Variants in SLC25A21 observed in about 807,000 individuals in gnomAD.
The protein encoded by SLC25A21 is solute carrier family 25 member 21, also known as mitochondrial 2-oxodicarboxylate carrier.
In SLC25A21, 47 loss-of-function variants were observed where a neutral mutation model predicts 43.8. The observed-to-expected ratio is 1.07, with a 90% CI of 0.85 to 1.37. The LOEUF is 1.37. Among genes scored for constraint, SLC25A21 ranks in the 40% most tolerant of loss-of-function variants. SLC25A21 has a pLI of 0.00. For synonymous variants in SLC25A21, 131 were observed against 121.3 expected, an observed-to-expected ratio of 1.08 and a Z score of -0.52; for missense variants, 352 against 350.2, an observed-to-expected ratio of 1.00 and a Z score of -0.04.
rs186540900 is a variant in SLC25A21 at position 36,803,776 on chromosome 14, G to C, written c.203+10142C>G. The stretch of plus-strand genomic sequence containing the variant: ...TTTACATACATTGTGATCATATGAT[G>C]CTTCTTCACTCCCATCTGACAATTC... On this transcript the variant is annotated intron_variant, in intron 3 of 9. Transcript: ENST00000331299. Among the ~76,000 whole-genome samples the C allele has an allele frequency of 5.5e-3, 844 of 152,294 alleles. 13 individuals are homozygous for C. The highest frequency in any genetic ancestry group is 6.8e-3 in the Middle Eastern group (2 of 294).
At chr14:37,074,300 C>A (rs10146922) in intron 1 of SLC25A21, among the ~76,000 whole-genome samples, 1,853 of 152,032 alleles carry the variant, frequency 0.012, 33 homozygotes, top group African/African-American at 0.043. Flanking sequence ...CTATATTTCA[C>A]AACATACAAC....
intron 7 of SLC25A21, among the ~76,000 whole-genome samples, chr14:36,696,065 AT>A (rs1266758650): frequency 6.6e-6 from 1 of 152,122 alleles, no homozygotes; most frequent in Non-Finnish European, 1.5e-5. Flanking sequence ...AGTTCTTATT[AT>A]TTTGAGATAC....
intron 2 of SLC25A21, among the ~76,000 whole-genome samples, chr14:36,814,452 A>G (rs2138447830): frequency 6.6e-6 from 1 of 152,360 alleles, no homozygotes; most frequent in Admixed American, 6.5e-5. Context: ...AGAATCTACA[A>G]GGAACTGAAA....
chr14:36,828,352 C>T (rs1888912358), intron 2 of SLC25A21: 2 of 152,182 alleles, frequency 1.3e-5, no homozygotes, highest in Admixed American at 1.3e-4. Context: ...GTGACATGTA[C>T]CACTTCCAGA....
At chr14:37,138,322 T>G (rs1291095129) in intron 1 of SLC25A21, among the ~76,000 whole-genome samples, 1 of 152,190 alleles carries the variant, frequency 6.6e-6, no homozygotes, top group Non-Finnish European at 1.5e-5. Flanking sequence ...TACTTTGGCA[T>G]TTAAGGGAGT....
intron 1 of SLC25A21, among the ~76,000 whole-genome samples, chr14:36,891,721 C>T (rs575704811): frequency 6.6e-6 from 1 of 152,152 alleles, no homozygotes; most frequent in East Asian, 1.9e-4. Context: ...AACTTTTCAC[C>T]TATGGATAGG....
At chr14:36,888,090 T>C (rs2138578762) in intron 1 of SLC25A21, among the ~76,000 whole-genome samples, 1 of 152,284 alleles carries the variant, frequency 6.6e-6, no homozygotes, top group South Asian at 2.1e-4. Flanking sequence ...AGTTTTTGTT[T>C]GTCTGTTTTC....
chr14:36,885,198 A>C (rs1258707644), intron 1 of SLC25A21, among the ~76,000 whole-genome samples: 1 of 152,186 alleles, frequency 6.6e-6, no homozygotes. Context: ...CAGTTTTCCC[A>C]ACACTATTTA....
chr14:36,993,937 T>C (rs555445578), intron 1 of SLC25A21, among the ~76,000 whole-genome samples: 1 of 152,248 alleles, frequency 6.6e-6, no homozygotes, highest in African/African-American at 2.4e-5. Flanking sequence ...ACATTCCCTT[T>C]ACTGGGAAGA....
chr14:36,773,616 A>G (rs1886708422), intron 3 of SLC25A21, among the ~76,000 whole-genome samples: 1 of 152,230 alleles, frequency 6.6e-6, no homozygotes, highest in Non-Finnish European at 1.5e-5. Flanking sequence ...AAAGCAGCAT[A>G]CTAACAGCAA....
intron 1 of SLC25A21, among the ~76,000 whole-genome samples, chr14:36,951,292 T>A (rs1019751453): frequency 2.6e-5 from 4 of 150,984 alleles, no homozygotes; most frequent in Non-Finnish European, 5.9e-5. Context: ...CAATTCTGTT[T>A]AGAAAGAGGA....
intron 7 of SLC25A21, among the ~76,000 whole-genome samples, chr14:36,702,475 C>CAAAAAAAAAAAAAAAAAAAAAAAAA (rs1213350246): frequency 9.1e-5 from 6 of 66,138 alleles, no homozygotes; most frequent in African/African-American, 2.9e-4. Flanking sequence ...CCTGTCTCCA[C>CAAAAAAAAAAAAAAAAAAAAAAAAA]AAAAAAAAAA....
In SLC25A21 at chr14:36,679,996, C is replaced by T; in HGVS notation, c.*662G>A. On this transcript the variant is annotated 3_prime_UTR_variant, in exon 10 of 10. Transcript: ENST00000331299. Reference sequence around the variant, plus strand: ...CTGTTTTAAACAATGTTTTAAAATACCTATTTATTATCTTACAGCAATATG... The same window carrying T: ...CTGTTTTAAACAATGTTTTAAAATATCTATTTATTATCTTACAGCAATATG... The T allele has an allele frequency of 1.2e-6, 1 of 819,040 alleles. No individual in the cohort carries two copies. Among genetic ancestry groups the T allele is most frequent in the Non-Finnish European group, 1.4e-6 (1 of 704,914 alleles). 50.7% of individuals were successfully genotyped at this position (819,040 alleles called of 1,614,324 possible).
intron 1 of SLC25A21, among the ~76,000 whole-genome samples, chr14:37,023,796 G>A (rs1037387610): frequency 2.6e-5 from 4 of 151,306 alleles, no homozygotes; most frequent in East Asian, 3.9e-4. Flanking sequence ...TCTCCCCACC[G>A]CCATCTGCCT....
chr14:36,916,743 C>T (rs554429901), intron 1 of SLC25A21, among the ~76,000 whole-genome samples: 2 of 152,266 alleles, frequency 1.3e-5, no homozygotes, highest in East Asian at 3.9e-4. Flanking sequence ...ATCTATATAT[C>T]TAGGCCTGAT....
chr14:37,170,931 T>A (rs79506354), intron 1 of SLC25A21, among the ~76,000 whole-genome samples: 3 of 144,788 alleles, frequency 2.1e-5, no homozygotes, highest in South Asian at 2.3e-4. Context: ...CAAAAAAAAT[T>A]AAAAAAAAAA....
At chr14:36,756,756 A>G (rs1345978354) in intron 3 of SLC25A21, among the ~76,000 whole-genome samples, 2 of 152,210 alleles carry the variant, frequency 1.3e-5, no homozygotes, top group East Asian at 1.9e-4. Flanking sequence ...CCAAATTTAA[A>G]CATTTCCAAA....
In SLC25A21 at chr14:36,678,744, A is replaced by AT. The variant is rs1192068599; in HGVS notation, c.*1913dup. ...ATCTCTTGTTATTGTGCTATTTATA[A>AT]TTTTTTTCTGGTTCTTGTATTTTAA... On this transcript the variant is annotated 3_prime_UTR_variant, in exon 10 of 10. Transcript: ENST00000331299. 21 of 1,147,514 alleles carry AT rather than the reference A, an allele frequency of 1.8e-5. No homozygotes were observed. The highest frequency in any genetic ancestry group is 3.6e-4 in the Middle Eastern group (1 of 2,804). The allele number at this position is 1,147,514 out of a possible 1,614,324, so 71.1% of individuals were successfully genotyped here.
chr14:36,806,787 T>G (rs994913333), intron 3 of SLC25A21: 2 of 149,502 alleles, frequency 1.3e-5, no homozygotes, highest in Non-Finnish European at 3.0e-5. Context: ...CTATTACTTT[T>G]TTCTTGTCCC....
Sources: allele counts gnomAD v4.1 joint callset (sites outside exome capture counted in the v4.1 genomes callset), GRCh38; gene constraint gnomAD v4.1.1; transcripts MANE v1.5; gene names NCBI Gene and HGNC (gene_info 2026-07-23, HGNC 2026-07-21).